FNBP1: variants seen among roughly 807,000 people sequenced by gnomAD.
The protein encoded by FNBP1 is formin binding protein 1.
A neutral mutation model predicts 90.6 loss-of-function variants in FNBP1; 26 were observed. That is an observed-to-expected ratio of 0.29 (90% CI 0.21 to 0.40). The LOEUF (loss-of-function observed/expected upper bound fraction) is 0.40, where lower values mean the gene tolerates loss of function less well. Ranked by LOEUF, FNBP1 falls within the 10% of genes least tolerant of loss-of-function variation. The probability of loss-of-function intolerance (pLI) is 1.00; values close to 1 mark genes in which losing one functional copy is unlikely to be tolerated. For missense variants in FNBP1, 635 were observed against 768.0 expected (o/e 0.83, Z 2.05); for synonymous variants, 260 against 265.2 (o/e 0.98, Z 0.19).
intron 12 of FNBP1, among the ~76,000 whole-genome samples, chr9:129,905,447 G>A (rs1588426086): frequency 6.6e-6 from 1 of 151,846 alleles, no homozygotes; most frequent in Admixed American, 6.6e-5. Flanking sequence ...GAGTAGCTGG[G>A]ACTACAGGCG....
rs397894225 is a variant in FNBP1 at position 129,889,570 on chromosome 9, C to CAAA, written c.*966_*968dup. 37 of 113,198 alleles carry CAAA rather than the reference C, an allele frequency of 3.3e-4. No individual in the cohort carries two copies. Among genetic ancestry groups the CAAA allele is most frequent in the Admixed American group, 5.4e-4 (4 of 7,472 alleles). The allele number at this position is 113,198 out of a possible 1,614,324, so 7.0% of individuals were successfully genotyped here. The stretch of plus-strand genomic sequence containing the variant: ...GAACAATAGAGCGAGACTCCCGTCT[C>CAAA]AAAAAAAAAAAAAAAACAACAACAA... On this transcript the variant is annotated 3_prime_UTR_variant, in exon 17 of 17. Coordinates refer to ENST00000446176, the MANE Select transcript of FNBP1 (RefSeq NM_015033.3).
chr9:129,900,406 G>A lies in FNBP1; in HGVS notation c.1550+20C>T, dbSNP rs1177228469. The A allele has an allele frequency of 2.0e-6, 3 of 1,532,892 alleles. No individual in the cohort carries two copies. The highest frequency in any genetic ancestry group is 4.5e-5 in the Admixed American group (2 of 44,546). 95.0% of individuals were successfully genotyped at this position (1,532,892 alleles called of 1,614,324 possible). ...CAACAGGCTCCCTTGCCAGAGGCAG[G>A]CGCTGTGCAGATACTGTACCTCTCA... On this transcript the variant is annotated intron_variant, in intron 14 of 16. Coordinates refer to ENST00000446176, the MANE Select transcript of FNBP1 (RefSeq NM_015033.3). This position sits in a 1 kb window ranked among gnomAD's most constrained non-coding sequence, Gnocchi z 4.1.
At chr9:129,982,046 A>G (rs182796404) in intron 2 of FNBP1, among the ~76,000 whole-genome samples, 4 of 152,354 alleles carry the variant, frequency 2.6e-5, no homozygotes, top group African/African-American at 9.6e-5. Context: ...AAAAGCAATT[A>G]TTTCCTTAAA....
chr9:129,973,502 T>G lies in FNBP1; in HGVS notation c.345+4963A>C, dbSNP rs1307751277. On this transcript the variant is annotated intron_variant, in intron 4 of 16. Transcript: ENST00000446176. ...CTTCTTTTCTTTTCTGTTTTTTGTTTGTTTGTTTGTTTTTTTGAGACGGAG... is the reference window on the plus strand; with the variant it reads ...CTTCTTTTCTTTTCTGTTTTTTGTTGGTTTGTTTGTTTTTTTGAGACGGAG... Among the ~76,000 whole-genome samples, 4 of 152,324 alleles carry G rather than the reference T, an allele frequency of 2.6e-5. No homozygotes were observed. The East Asian group carries it at 7.7e-4, about 29-fold the overall frequency.
chr9:129,969,000 G>A (rs896756813), intron 4 of FNBP1, among the ~76,000 whole-genome samples: 2 of 152,122 alleles, frequency 1.3e-5, no homozygotes, highest in Admixed American at 6.6e-5. Flanking sequence ...TAATCGCTGT[G>A]GAAAAGCCCA....
chr9:129,916,659 C>A (rs535866565), intron 10 of FNBP1, among the ~76,000 whole-genome samples: 48 of 152,080 alleles, frequency 3.2e-4, no homozygotes, highest in African/African-American at 1.0e-3. Context: ...ATCACACAAC[C>A]TTTTGTTCTC....
chr9:129,909,426 A>T (rs1032203522), intron 11 of FNBP1, among the ~76,000 whole-genome samples: 13 of 152,124 alleles, frequency 8.5e-5, no homozygotes, highest in African/African-American at 2.9e-4. Context: ...CTGCACGCCT[A>T]GCTGCTGCCT....
At chr9:130,037,059 A>G (rs1043272977) in intron 1 of FNBP1, among the ~76,000 whole-genome samples, 3 of 141,252 alleles carry the variant, frequency 2.1e-5, no homozygotes, top group Non-Finnish European at 4.6e-5. Context: ...AAAAAAAAAG[A>G]AAAAGGAGCA....
chr9:129,971,818 G>C (rs575729033), intron 4 of FNBP1, among the ~76,000 whole-genome samples: 1 of 152,336 alleles, frequency 6.6e-6, no homozygotes, highest in East Asian at 1.9e-4. Context: ...GCTTACCCTT[G>C]TCAGAGATTC....
intron 1 of FNBP1, among the ~76,000 whole-genome samples, chr9:130,015,672 C>CTTTTG (rs113896193): frequency 5.1e-4 from 77 of 152,200 alleles, no homozygotes; most frequent in East Asian, 2.7e-3. Flanking sequence ...GCATTTATTT[C>CTTTTG]TTTTGTTTTG....
intron 16 of FNBP1, among the ~76,000 whole-genome samples, chr9:129,894,883 A>C (rs555350432): frequency 6.6e-6 from 1 of 152,174 alleles, no homozygotes; most frequent in Admixed American, 6.6e-5. Context: ...AACAGAGCGA[A>C]CCCGTCTCTA....
rs891697511 is a variant in FNBP1, at chr9:129,887,945, A to C, written c.*2594T>G. 13 of 232,254 alleles carry C rather than the reference A, an allele frequency of 5.6e-5. No individual in the cohort carries two copies. Among genetic ancestry groups the C allele is most frequent in the African/African-American group, 6.6e-5 (3 of 45,306 alleles). 14.4% of individuals were successfully genotyped at this position (232,254 alleles called of 1,614,324 possible). On this transcript the variant is annotated 3_prime_UTR_variant, in exon 17 of 17. Transcript: ENST00000446176. ...CACAGTAGGATTCCCAGAGTAAATG[A>C]TGATACATAGGACAACTGACCTCCT...
chr9:130,046,904 A>C (rs958312627), upstream of FNBP1, among the ~76,000 whole-genome samples: 1 of 152,028 alleles, frequency 6.6e-6, no homozygotes, highest in African/African-American at 2.4e-5. Flanking sequence ...ATGTTTCCCT[A>C]GGTTCTGTGA....
chr9:129,896,079 TGTC>T (rs2035685001), intron 15 of FNBP1, 83 bp from the exon 16 acceptor site: 1 of 1,420,360 alleles, frequency 7.0e-7, no homozygotes, highest in Non-Finnish European at 9.5e-7. Context: ...ATGAAACAAG[TGTC>T]GTCGAAGATG....
At chr9:129,893,499 G>A (rs2035312546) in intron 16 of FNBP1, among the ~76,000 whole-genome samples, 1 of 149,834 alleles carries the variant, frequency 6.7e-6, no homozygotes, top group African/African-American at 2.5e-5. Context: ...TGTAATCCCA[G>A]CTACTGGGGA....
At chr9:129,999,333 T>C (rs977351998) in intron 1 of FNBP1, among the ~76,000 whole-genome samples, 1 of 152,142 alleles carries the variant, frequency 6.6e-6, no homozygotes, top group Non-Finnish European at 1.5e-5. Context: ...CAGTGGCTCA[T>C]GCCTATAATC....
At position 129,927,247 on chromosome 9, in the gene FNBP1, C is replaced by G. The variant is rs977733875; in HGVS notation, c.737G>C (p.Gly246Ala). The G allele has an allele frequency of 6.2e-7, 1 of 1,613,834 alleles. No individual in the cohort carries two copies. The highest frequency in any genetic ancestry group is 1.3e-5 in the African/African-American group (1 of 74,944). The change falls in exon 8 of 17, where the codon GGG becomes GCG. Residue 246 changes from glycine (G) to alanine (A), a missense_variant. Transcript: ENST00000446176. ...EVDRQVIPII[G>A]KCLDGIVKAA... ...TTTTACTATTCCATCCAGGCACTTC[C>G]CAATGATTGGGATCACCTGCCGATC...
At chr9:129,989,655 T>C (rs1016771545) in intron 2 of FNBP1, among the ~76,000 whole-genome samples, 1 of 152,202 alleles carries the variant, frequency 6.6e-6, no homozygotes, top group Non-Finnish European at 1.5e-5. Flanking sequence ...TTTGGGGAGA[T>C]GTTATTCAAA....
rs776947775 is a variant in FNBP1, at chr9:130,031,861, A to G, written c.24+11091T>C. On this transcript the variant is annotated intron_variant, in intron 1 of 16. Transcript: ENST00000446176. This position sits in a 1 kb window ranked among gnomAD's most constrained non-coding sequence, Gnocchi z 4.2. ...GTATTTTTAATAGAGATGGGATTTC[A>G]CCATGTTGGTCAGGCTGGTCTCAAA... Among the ~76,000 whole-genome samples the G allele has an allele frequency of 4.6e-4, 70 of 152,128 alleles. No individual in the cohort carries two copies. The highest frequency in any genetic ancestry group is 1.2e-3 in the Admixed American group (19 of 15,248).
Sources: allele counts gnomAD v4.1 joint callset (sites outside exome capture counted in the v4.1 genomes callset), GRCh38; gene constraint gnomAD v4.1.1; non-coding constraint Gnocchi (gnomAD v3.1); transcripts MANE v1.5; gene names NCBI Gene and HGNC (gene_info 2026-07-23, HGNC 2026-07-21).